Variants in SPAG9 observed in about 807,000 individuals in gnomAD.
The protein encoded by SPAG9 is C-Jun-amino-terminal kinase-interacting protein 4.
In SPAG9, 35 loss-of-function variants were observed where a neutral mutation model predicts 166.5. That is an observed-to-expected ratio of 0.21 (90% CI 0.16 to 0.28). The LOEUF is 0.28. SPAG9 is among the 10% of genes least tolerant of loss of function. The probability of loss-of-function intolerance (pLI) is 1.00; values close to 1 mark genes in which losing one functional copy is unlikely to be tolerated. For missense variants in SPAG9, 1,235 were observed against 1,603.3 expected (o/e 0.77, Z 3.92); for synonymous variants, 534 against 565.5 (o/e 0.94, Z 0.79).
chr17:50,985,618 A>G, intron 23 of SPAG9, 80 bp downstream of exon 23: 1 of 753,236 alleles, frequency 1.3e-6, no homozygotes, highest in Middle Eastern at 2.5e-4. Context: ...TGAAACATGT[A>G]TTAGCTTTCA....
intron 6 of SPAG9, among the ~76,000 whole-genome samples, chr17:51,028,756 A>G (rs1394236988): frequency 2.0e-5 from 3 of 152,258 alleles, no homozygotes; most frequent in African/African-American, 4.8e-5. Flanking sequence ...AAAAGCATTT[A>G]TTATGAATCA....
intron 2 of SPAG9, among the ~76,000 whole-genome samples, chr17:51,077,045 GCTATCTAGCTAGCTATCTAGCTAGCTAT>G (rs2048017902): frequency 1.0e-5 from 1 of 99,022 alleles, no homozygotes; most frequent in Non-Finnish European, 2.5e-5. Flanking sequence ...TAGCTATCTA[GCTATCTAGCTAGCTATCTAGCTAGCTAT>G]CTAGCTATCT....
chr17:50,996,335 C>A, intron 16 of SPAG9: 1 of 500,432 alleles, frequency 2.0e-6, no homozygotes. Context: ...ATGCACTTAG[C>A]CACCCTTTAT....
At chr17:51,079,446 C>T (rs1023876013) in intron 2 of SPAG9, 138 bp downstream of exon 2, 5 of 661,668 alleles carry the variant, frequency 7.6e-6, no homozygotes, top group African/African-American at 1.8e-5. Context: ...ACCATGTTGA[C>T]CAGGCTGGTC....
At chr17:51,046,978 A>C in intron 4 of SPAG9, 1 of 1,369,382 alleles carries the variant, frequency 7.3e-7, no homozygotes. Context: ...TACATAATTT[A>C]TTCACACTCC....
chr17:50,994,725 T>C (rs1975921370), intron 18 of SPAG9, among the ~76,000 whole-genome samples: 1 of 152,170 alleles, frequency 6.6e-6, no homozygotes, highest in African/African-American at 2.4e-5. Context: ...CTCCAGCCTA[T>C]GTGATAGAGT....
chr17:50,974,343 C>A (rs1361623987), intron 28 of SPAG9, among the ~76,000 whole-genome samples: 1 of 152,116 alleles, frequency 6.6e-6, no homozygotes, highest in East Asian at 1.9e-4. Context: ...GACACAGGGG[C>A]CAGACCCCCA....
chr17:50,993,849 A>T lies in SPAG9; in HGVS notation c.2313T>A (p.Leu771=). ...CTSTHSATKV[L]IIDAVQPGNI... Reference sequence around the variant, plus strand: ...TGCCAGGTTGAACAGCATCAATAATAAGAACTTTTGTAGCCGAATGAGTGC... The same window carrying T: ...TGCCAGGTTGAACAGCATCAATAATTAGAACTTTTGTAGCCGAATGAGTGC... The change falls in exon 19 of 30, where the codon CTT becomes CTA. Residue 771 remains leucine, a synonymous_variant. Transcript: ENST00000262013. 2 of 1,614,184 alleles carry T rather than the reference A, an allele frequency of 1.2e-6. No individual in the cohort carries two copies. The highest frequency in any genetic ancestry group is 1.7e-6 in the Non-Finnish European group (2 of 1,180,022).
chr17:51,070,448 T>TAC (rs2047792840), intron 2 of SPAG9, among the ~76,000 whole-genome samples: 1 of 152,224 alleles, frequency 6.6e-6, no homozygotes, highest in Non-Finnish European at 1.5e-5. Flanking sequence ...TTCTTTGACC[T>TAC]ACTTCCTTAA....
At chr17:51,063,146 C>T (rs916907432) in intron 2 of SPAG9, among the ~76,000 whole-genome samples, 11 of 152,258 alleles carry the variant, frequency 7.2e-5, no homozygotes, top group East Asian at 5.8e-4. Context: ...CAGTGGCTCA[C>T]GCCTGTAATC....
intron 2 of SPAG9, among the ~76,000 whole-genome samples, chr17:51,059,145 T>C (rs775260646): frequency 7.9e-5 from 12 of 152,056 alleles, no homozygotes; most frequent in Non-Finnish European, 1.3e-4. Context: ...AACAAAAGAA[T>C]ACAAAATTCA....
chr17:51,007,406 C>A, intron 9 of SPAG9, 80 bp from the exon 10 acceptor site: 1 of 716,564 alleles, frequency 1.4e-6, no homozygotes, highest in Non-Finnish European at 2.2e-6. Context: ...GCTATAGTCA[C>A]AAGTTTTATT....
intron 1 of SPAG9, among the ~76,000 whole-genome samples, chr17:51,119,641 C>A (rs889586184): frequency 1.3e-5 from 2 of 152,132 alleles, no homozygotes; most frequent in South Asian, 2.1e-4. Flanking sequence ...ATCTTCCCAA[C>A]CCCGCCCCCC....
chr17:51,091,775 G>A (rs1319914540), intron 1 of SPAG9, among the ~76,000 whole-genome samples: 25 of 151,268 alleles, frequency 1.7e-4, no homozygotes, highest in Non-Finnish European at 1.0e-4. Context: ...CAACATTAAA[G>A]TGACTTCAGA....
intron 2 of SPAG9, among the ~76,000 whole-genome samples, chr17:51,067,543 T>TA (rs1417676667): frequency 1.3e-5 from 2 of 152,308 alleles, no homozygotes; most frequent in Middle Eastern, 3.4e-3. Context: ...CACATAAACC[T>TA]AAACTTCAAA....
rs537602006 is a variant in SPAG9, at chr17:51,120,178, C to T, written c.303+176G>A. Among the ~76,000 whole-genome samples, 12 of 152,222 alleles carry T rather than the reference C, an allele frequency of 7.9e-5. No homozygotes were observed. The highest frequency in any genetic ancestry group is 1.2e-4 in the Non-Finnish European group (8 of 68,032). On this transcript the variant is annotated intron_variant, in intron 1 of 29. Coordinates refer to ENST00000262013, the MANE Select transcript of SPAG9 (RefSeq NM_001130528.3). The surrounding 1 kb of genome is among the most constrained non-coding windows in gnomAD (Gnocchi z 4.7). ...CTCAGTAGCCGGCCTCGGCTTCCAA[C>T]GCCGGCCTGGCTCCCGGGGTACCTG...
chr17:51,112,370 CAAAAAAAAAAA>C (rs767699831), intron 1 of SPAG9, among the ~76,000 whole-genome samples: 1 of 38,564 alleles, frequency 2.6e-5, no homozygotes, highest in Non-Finnish European at 5.6e-5. Flanking sequence ...CCCATCTCTA[CAAAAAAAAAAA>C]AAAAAAAAAG....
chr17:51,100,628 CA>C (rs926953822), intron 1 of SPAG9, among the ~76,000 whole-genome samples: 10 of 149,532 alleles, frequency 6.7e-5, no homozygotes, highest in Non-Finnish European at 1.0e-4. Flanking sequence ...ACCCTGCCTT[CA>C]AAAAAAAATG....
rs1227601385 is a variant in SPAG9, at chr17:50,963,087, T to C, written c.*3185A>G. ...AAGTGTTAGGTTGAGGCATATGATA[T>C]TGTCGCTTTTGCAGATCAGCAATGG... On this transcript the variant is annotated 3_prime_UTR_variant, in exon 30 of 30. Transcript: ENST00000262013. The C allele has an allele frequency of 6.6e-6, 1 of 152,240 alleles. No homozygotes were observed. The highest frequency in any genetic ancestry group is 1.5e-5 in the Non-Finnish European group (1 of 68,044). The allele number at this position is 152,240 out of a possible 1,614,324, so 9.4% of individuals were successfully genotyped here.
Sources: allele counts gnomAD v4.1 joint callset (sites outside exome capture counted in the v4.1 genomes callset), GRCh38; gene constraint gnomAD v4.1.1; non-coding constraint Gnocchi (gnomAD v3.1); transcripts MANE v1.5; gene names NCBI Gene and HGNC (gene_info 2026-07-23, HGNC 2026-07-21).